The following FAM117B variants were observed in gnomAD, a reference collection of about 807,000 sequenced individuals.
FAM117B encodes the protein family with sequence similarity 117 member B.
FAM117B carries 22 observed loss-of-function variants against 52.8 expected under a neutral mutation model. The ratio of observed to expected loss-of-function variants is 0.42; its 90% CI spans 0.30 to 0.59. FAM117B has a LOEUF of 0.59. Among genes scored for constraint, FAM117B ranks in the 20% least tolerant of loss-of-function variants. The pLI, the probability that FAM117B is intolerant of heterozygous loss-of-function variation, is 0.22. For synonymous variants in FAM117B, 309 were observed against 324.1 expected (o/e 0.95, Z 0.50); for missense variants, 678 against 802.6 (o/e 0.84, Z 1.88).
intron 1 of FAM117B, among the ~76,000 whole-genome samples, chr2:202,676,166 G>A (rs748267840): frequency 1.3e-5 from 2 of 152,010 alleles, no homozygotes; most frequent in African/African-American, 2.4e-5. Flanking sequence ...AGGAACTAGT[G>A]TCTGTGGCCA....
chr2:202,666,668 C>CAT (rs1690208683), intron 1 of FAM117B, among the ~76,000 whole-genome samples: 2 of 125,788 alleles, frequency 1.6e-5, no homozygotes. Context: ...CGTTTCATTT[C>CAT]TTTTTTTTTT....
intron 1 of FAM117B, among the ~76,000 whole-genome samples, chr2:202,644,013 A>G (rs749688195): frequency 5.5e-5 from 8 of 145,438 alleles, no homozygotes; most frequent in Non-Finnish European, 1.2e-4. Context: ...CCTGGCCTAC[A>G]CATTTCTAAA....
Position 202,768,237 on chromosome 2 carries a change from T to C in FAM117B, c.*2473T>C, listed in dbSNP as rs1692014570. On this transcript the variant is annotated 3_prime_UTR_variant, in exon 8 of 8. Coordinates refer to ENST00000392238, the MANE Select transcript of FAM117B (RefSeq NM_173511.4). ...ACTCTGTAGAGGTTTTCCCTTTTGCTCTGTTGTGCCTATTTGTCTAATTCA... is the reference window on the plus strand; with the variant it reads ...ACTCTGTAGAGGTTTTCCCTTTTGCCCTGTTGTGCCTATTTGTCTAATTCA... The C allele has an allele frequency of 6.6e-6, 1 of 152,236 alleles. No homozygotes were observed. Among genetic ancestry groups the C allele is most frequent in the Non-Finnish European group, 1.5e-5 (1 of 68,032 alleles). The allele number at this position is 152,236 out of a possible 1,614,324, so 9.4% of individuals were successfully genotyped here. A position where few individuals can be genotyped will look rare whatever the true frequency, so the allele number is the denominator to read the frequency against.
chr2:202,745,337 A>T (rs1400732397), intron 4 of FAM117B, among the ~76,000 whole-genome samples: 1 of 152,096 alleles, frequency 6.6e-6, no homozygotes, highest in East Asian at 1.9e-4. Context: ...TGAGGGAATT[A>T]ATCACCACTA....
At chr2:202,702,161 G>A (rs1690803828) in intron 2 of FAM117B, among the ~76,000 whole-genome samples, 1 of 152,128 alleles carries the variant, frequency 6.6e-6, no homozygotes, top group African/African-American at 2.4e-5. Context: ...GGGAGGACGA[G>A]GTGGGCAGGT....
At chr2:202,671,940 GT>G (rs1198560617) in intron 1 of FAM117B, among the ~76,000 whole-genome samples, 1 of 151,846 alleles carries the variant, frequency 6.6e-6, no homozygotes, top group South Asian at 2.1e-4. Flanking sequence ...CAATCTAAGA[GT>G]TTTTTTTCTG....
intron 1 of FAM117B, among the ~76,000 whole-genome samples, chr2:202,689,635 A>G (rs1460507542): frequency 1.3e-5 from 2 of 151,380 alleles, no homozygotes; most frequent in Non-Finnish European, 2.9e-5. Context: ...ACAATACCTG[A>G]GGCCAGGCAC....
intron 1 of FAM117B, among the ~76,000 whole-genome samples, chr2:202,691,649 T>TTGTGTGTGTGTGTGTATGTGTA (rs1360538629): frequency 7.9e-6 from 1 of 126,810 alleles, no homozygotes; most frequent in Non-Finnish European, 1.7e-5. Flanking sequence ...CCAGTTTACA[T>TTGTGTGTGTGTGTGTATGTGTA]TGTGTGTGTG....
chr2:202,717,002 C>T (rs910998988), intron 2 of FAM117B, among the ~76,000 whole-genome samples: 7 of 152,184 alleles, frequency 4.6e-5, no homozygotes, highest in Non-Finnish European at 8.8e-5. Context: ...ATCTGTTTCT[C>T]TAGCATTGGT....
At position 202,726,499 on chromosome 2, in the gene FAM117B, G is replaced by A; in HGVS notation, c.960+136G>A. The A allele has an allele frequency of 8.1e-6, 5 of 614,610 alleles. No individual in the cohort carries two copies. In the South Asian group the frequency reaches 1.1e-4, roughly 14 times the overall value. The allele number at this position is 614,610 out of a possible 1,614,324, so 38.1% of individuals were successfully genotyped here. On this transcript the variant is annotated intron_variant, in intron 4 of 7. Coordinates refer to ENST00000392238, the MANE Select transcript of FAM117B (RefSeq NM_173511.4). ...ACAGTGATTTAAATACTGAATCACAGTCTTTATAAGAAAACAGAATATTAA... is the reference window on the plus strand; with the variant it reads ...ACAGTGATTTAAATACTGAATCACAATCTTTATAAGAAAACAGAATATTAA...
intron 1 of FAM117B, among the ~76,000 whole-genome samples, chr2:202,686,948 T>G (rs893508799): frequency 2.0e-5 from 3 of 152,206 alleles, no homozygotes; most frequent in Non-Finnish European, 4.4e-5. Flanking sequence ...AGGAATTGTC[T>G]CATGCACTAA....
chr2:202,648,869 C>G (rs1305559284), intron 1 of FAM117B, among the ~76,000 whole-genome samples: 2 of 152,006 alleles, frequency 1.3e-5, no homozygotes, highest in Non-Finnish European at 2.9e-5. Flanking sequence ...TCAGGCGATT[C>G]TCCTGCCTCA....
chr2:202,765,825 C>G lies in FAM117B; in HGVS notation c.*61C>G, dbSNP rs1019516436. On this transcript the variant is annotated 3_prime_UTR_variant, in exon 8 of 8. Coordinates refer to ENST00000392238, the MANE Select transcript of FAM117B (RefSeq NM_173511.4). Reference sequence around the variant, plus strand: ...GGGAACCTCCTCAGATCACTGGATTCTGATGGCATCGTGCGCTTCTGGTCG... The same window carrying G: ...GGGAACCTCCTCAGATCACTGGATTGTGATGGCATCGTGCGCTTCTGGTCG... 6.6e-7 allele frequency: 1 copy of G among 1,523,366 alleles called. No homozygotes were observed. The allele number at this position is 1,523,366 out of a possible 1,614,324, so 94.4% of individuals were successfully genotyped here.
At chr2:202,676,379 T>G (rs1020215430) in intron 1 of FAM117B, among the ~76,000 whole-genome samples, 2 of 151,856 alleles carry the variant, frequency 1.3e-5, no homozygotes, top group Admixed American at 6.6e-5. Context: ...TTCCTTGTTT[T>G]TTTTTTTTTT....
chr2:202,724,752 A>G (rs1691211677), intron 2 of FAM117B, among the ~76,000 whole-genome samples, 165 bp from the exon 3 acceptor site: 1 of 152,232 alleles, frequency 6.6e-6, no homozygotes, highest in African/African-American at 2.4e-5. Context: ...TGTAATTAAT[A>G]CCAGTTAAGT....
intron 2 of FAM117B, among the ~76,000 whole-genome samples, chr2:202,702,485 G>A (rs1448577283): frequency 6.6e-6 from 1 of 152,194 alleles, no homozygotes; most frequent in African/African-American, 2.4e-5. Flanking sequence ...TGATCAGTCA[G>A]CAGCCGTTAA....
At chr2:202,651,653 C>T (rs879265123) in intron 1 of FAM117B, among the ~76,000 whole-genome samples, 4 of 151,756 alleles carry the variant, frequency 2.6e-5, no homozygotes, top group East Asian at 3.9e-4. Flanking sequence ...GGATTACAGG[C>T]GTGAGCCACC....
Position 202,755,586 on chromosome 2 carries a change from TCAA to T in FAM117B, c.1012_1014del (p.Thr338del), listed in dbSNP as rs774034297. On this transcript the variant is annotated inframe_deletion, in exon 5 of 8. Transcript: ENST00000392238. ...TATTCCTGTAATTCCCATCACCAAA[TCAA>T]CAGGCTCCCGGTTCCGGAATAGCGT... 3.7e-6 allele frequency: 6 copies of T among 1,614,144 alleles called. No homozygotes were observed. In the South Asian group the frequency reaches 5.5e-5, roughly 15 times the overall value.
At position 202,635,418 on chromosome 2, in the gene FAM117B, A is replaced by AGGCGGCGGCGGCGGC. The variant is rs565502997; in HGVS notation, c.234_248dup (p.Gly80_Gly84dup). ...GCTGTGGTGGCGCCTCAGGCCCCGCAGGCGGCGGCGGCGGCGGTGGCCCGC... is the reference window on the plus strand; with the variant it reads ...GCTGTGGTGGCGCCTCAGGCCCCGCAGGCGGCGGCGGCGGCGGCGGCGGCGGCGGCGGTGGCCCGC... On this transcript the variant is annotated inframe_insertion, in exon 1 of 8. Coordinates refer to ENST00000392238, the MANE Select transcript of FAM117B (RefSeq NM_173511.4). The AGGCGGCGGCGGCGGC allele has an allele frequency of 8.1e-7, 1 of 1,237,520 alleles. No individual in the cohort carries two copies. The highest frequency in any genetic ancestry group is 1.6e-5 in the African/African-American group (1 of 62,044). The allele number at this position is 1,237,520 out of a possible 1,614,324, so 76.7% of individuals were successfully genotyped here.
Sources: gnomAD v4.1 joint callset for allele counts (sites outside exome capture counted in the v4.1 genomes callset) on GRCh38, gnomAD v4.1.1 for gene constraint, MANE v1.5 for transcripts, NCBI Gene and HGNC (gene_info 2026-07-23, HGNC 2026-07-21) for gene names.